ZNF44: variants seen among roughly 807,000 people sequenced by gnomAD.
ZNF44 encodes zinc finger protein 44, also known as gonadotropin inducible transcription repressor-2.
In ZNF44, 9 loss-of-function variants were observed where a neutral mutation model predicts 11.7. That is an observed-to-expected ratio of 0.77 (90% confidence interval 0.46 to 1.35). The LOEUF (loss-of-function observed/expected upper bound fraction) is 1.35, where lower values mean the gene tolerates loss of function less well. Among genes scored for constraint, ZNF44 ranks in the 40% most tolerant of loss-of-function variants. The pLI is 0.00. For synonymous variants in ZNF44, 224 were observed against 242.7 expected (o/e 0.92, Z 0.72); for missense variants, 696 against 743.1 (o/e 0.94, Z 0.74).
downstream of ZNF44, among the ~76,000 whole-genome samples, chr19:12,245,420 T>C (rs1916743573): frequency 2.0e-5 from 3 of 152,346 alleles, no homozygotes; most frequent in South Asian, 2.1e-4. Context: ...TGTACAAACA[T>C]AATTGAGAAT....
chr19:12,280,602 T>C (rs556736092), intron 1 of ZNF44, among the ~76,000 whole-genome samples: 1 of 152,198 alleles, frequency 6.6e-6, no homozygotes, highest in South Asian at 2.1e-4. Context: ...CTGAATCCAA[T>C]TATGCCAACT....
chr19:12,280,338 TG>T (rs1245390113), intron 1 of ZNF44, among the ~76,000 whole-genome samples: 1 of 152,210 alleles, frequency 6.6e-6, no homozygotes, highest in Non-Finnish European at 1.5e-5. Context: ...ACTTCGGAAC[TG>T]TCTATTATAC....
chr19:12,273,287 C>A lies in ZNF44; in HGVS notation c.968G>T (p.Ser323Ile). 3.7e-6 allele frequency: 6 copies of A among 1,613,536 alleles called. No individual in the cohort carries two copies. The highest frequency in any genetic ancestry group is 5.1e-6 in the Non-Finnish European group (6 of 1,179,892). Residue 323 changes from serine (S) to isoleucine (I), a missense_variant, in exon 4 of 4, where the codon AGC (serine) becomes ATC (isoleucine). Transcript: ENST00000355684. ...GTGCATTATCATGTGTCTTTGAAAGCTTCCAAGATGACAAAACGCTTTCCC... is the reference window on the plus strand; with the variant it reads ...GTGCATTATCATGTGTCTTTGAAAGATTCCAAGATGACAAAACGCTTTCCC... ...QCGKAFCHLG[S>I]FQRHMIMHSG...
Position 12,272,857 on chromosome 19 carries a change from A to G in ZNF44, c.1398T>C (p.His466=), listed in dbSNP as rs751716599. Residue 466 remains histidine (H), a synonymous_variant, in exon 4 of 4, where the codon CAT becomes CAC. Coordinates refer to ENST00000355684, the MANE Select transcript of ZNF44 (RefSeq NM_016264.4). ...GCTCCTCTTCACTGTGTGTTGTTTC[A>G]TGACTTTGAAAGGAAAATAAATCAC... The part of the protein sequence containing the change: ...AFSDLFSFQS[H]ETTHSEEEPY... The G allele has an allele frequency of 5.0e-6, 8 of 1,614,068 alleles. No individual in the cohort carries two copies. The East Asian group carries it at 1.6e-4, about 31-fold the overall frequency.
chr19:12,254,141 T>C (rs945031891), intron 5 of ZNF44, among the ~76,000 whole-genome samples: 1 of 147,480 alleles, frequency 6.8e-6, no homozygotes, highest in Non-Finnish European at 1.5e-5. Flanking sequence ...TTGTGGGACA[T>C]AAAACAAACC....
At chr19:12,266,323 G>A (rs564744108) in intron 5 of ZNF44, 2 of 985,358 alleles carry the variant, frequency 2.0e-6, no homozygotes, top group South Asian at 9.4e-5. Flanking sequence ...TGGCTCTCCT[G>A]GCCACAGCAG....
At chr19:12,251,319 G>A (rs911631205) in intron 5 of ZNF44, among the ~76,000 whole-genome samples, 46 of 133,146 alleles carry the variant, frequency 3.5e-4, no homozygotes, top group African/African-American at 1.6e-3. Context: ...AACGGAGCGA[G>A]ACTCTGTCTC....
At chr19:12,229,036 C>T (rs1466573098) in intron 3 of ZNF44, among the ~76,000 whole-genome samples, 3 of 152,278 alleles carry the variant, frequency 2.0e-5, no homozygotes, top group Middle Eastern at 3.4e-3. Context: ...AGATTAAAGT[C>T]ATGTGAACTG....
At chr19:12,229,233 T>C (rs189887390) in intron 3 of ZNF44, among the ~76,000 whole-genome samples, 2 of 152,304 alleles carry the variant, frequency 1.3e-5, no homozygotes, top group African/African-American at 4.8e-5. Flanking sequence ...AATTGGCTTA[T>C]TGGCCTTTGG....
At chr19:12,265,879 C>G (rs1917708685) in intron 5 of ZNF44, among the ~76,000 whole-genome samples, 1 of 152,200 alleles carries the variant, frequency 6.6e-6, no homozygotes, top group African/African-American at 2.4e-5. Flanking sequence ...ATAACAAAAC[C>G]TATTTGTTTC....
chr19:12,273,799 A>G lies in ZNF44; in HGVS notation c.456T>C (p.Tyr152=), dbSNP rs751300835. ...THKQCGKGLS[Y]RHSFQTCERP... is the part of the protein sequence containing the mutation. ...TTTCACATGTTTGAAAGGAGTGGCG[A>G]TAACTTAAGCCTTTCCCACACTGCT... is the stretch of plus-strand genomic sequence containing the variant. Residue 152 remains tyrosine (Y), a synonymous_variant, in exon 4 of 4, where the codon TAT becomes TAC. Transcript: ENST00000355684. The G allele has an allele frequency of 6.2e-7, 1 of 1,614,172 alleles. No homozygotes were observed. Among genetic ancestry groups the G allele is most frequent in the Non-Finnish European group, 8.5e-7 (1 of 1,180,030 alleles).
chr19:12,257,586 G>A (rs1185973525), intron 5 of ZNF44, among the ~76,000 whole-genome samples: 2 of 151,876 alleles, frequency 1.3e-5, no homozygotes, highest in Non-Finnish European at 2.9e-5. Flanking sequence ...AGGAGTTTGA[G>A]AGCAGCCTGG....
chr19:12,266,214 C>T, intron 5 of ZNF44: 4 of 982,216 alleles, frequency 4.1e-6, no homozygotes, highest in Non-Finnish European at 4.8e-6. Context: ...CGGGTCCCGC[C>T]ACAGCCGGTC....
At chr19:12,280,223 G>GA (rs1967416224) in intron 1 of ZNF44, among the ~76,000 whole-genome samples, 2 of 151,854 alleles carry the variant, frequency 1.3e-5, no homozygotes, top group East Asian at 1.9e-4. Context: ...TGTCTCAAAA[G>GA]AAAAAATAAT....
chr19:12,268,854 C>T (rs1279583355), downstream of ZNF44, among the ~76,000 whole-genome samples: 2 of 152,042 alleles, frequency 1.3e-5, no homozygotes, highest in Non-Finnish European at 2.9e-5. Flanking sequence ...AGCAATCCTT[C>T]CACCTCAGCT....
intron 3 of ZNF44, among the ~76,000 whole-genome samples, chr19:12,228,988 T>C (rs945877646): frequency 6.6e-6 from 1 of 152,230 alleles, no homozygotes; most frequent in Non-Finnish European, 1.5e-5. Context: ...TGGTAACTCT[T>C]AAGACAGTTC....
At chr19:12,230,120 G>A (rs1916096171) in intron 3 of ZNF44, among the ~76,000 whole-genome samples, 1 of 152,138 alleles carries the variant, frequency 6.6e-6, no homozygotes, top group African/African-American at 2.4e-5. Context: ...AATGTGTATT[G>A]GGGCCAGGCC....
At chr19:12,284,883 C>T (rs1211152840) in intron 1 of ZNF44, 15 of 746,512 alleles carry the variant, frequency 2.0e-5, no homozygotes, top group Middle Eastern at 3.4e-4. Flanking sequence ...TGTGCTGGTG[C>T]GCCTCATCCC....
chr19:12,235,261 C>T (rs979883179), intron 1 of ZNF44, among the ~76,000 whole-genome samples: 6 of 152,012 alleles, frequency 3.9e-5, no homozygotes, highest in African/African-American at 1.5e-4. Context: ...CCCAGCTACT[C>T]GGGAGGCTGA....
Sources: gnomAD v4.1 joint callset for allele counts (sites outside exome capture counted in the v4.1 genomes callset) on GRCh38, gnomAD v4.1.1 for gene constraint, MANE v1.5 for transcripts, NCBI Gene and HGNC (gene_info 2026-07-23, HGNC 2026-07-21) for gene names.